CLSTN1: variants seen among roughly 807,000 people sequenced by gnomAD.
CLSTN1 encodes the protein calsyntenin 1.
In CLSTN1, 28 loss-of-function variants were observed where a neutral mutation model predicts 108.3. The observed-to-expected ratio is 0.26, with a 90% confidence interval of 0.19 to 0.35. The LOEUF is 0.35. CLSTN1 is among the 10% of genes least tolerant of loss of function. The pLI is 1.00. For synonymous variants in CLSTN1, 524 were observed against 534.9 expected, an observed-to-expected ratio of 0.98 and a Z score of 0.28; for missense variants, 1,157 against 1,302.6, an observed-to-expected ratio of 0.89 and a Z score of 1.72.
At chr1:9,809,786 A>G (rs1228600346) in intron 1 of CLSTN1, among the ~76,000 whole-genome samples, 1 of 151,566 alleles carries the variant, frequency 6.6e-6, no homozygotes, top group Non-Finnish European at 1.5e-5. Context: ...CTATAATCCC[A>G]GCTACTCGGG....
intron 1 of CLSTN1, among the ~76,000 whole-genome samples, chr1:9,796,472 C>A (rs1214984386): frequency 6.8e-6 from 1 of 148,034 alleles, no homozygotes; most frequent in South Asian, 2.3e-4. Flanking sequence ...GTCAGGAAAT[C>A]GAGACCATCC....
intron 2 of CLSTN1, among the ~76,000 whole-genome samples, chr1:9,757,019 C>A (rs11121488): frequency 0.14 from 21,978 of 151,574 alleles, 2,751 homozygotes; most frequent in African/African-American, 0.32. Flanking sequence ...ACCTCGTGAT[C>A]CGCCCACCTC....
intron 1 of CLSTN1, among the ~76,000 whole-genome samples, chr1:9,785,411 CCAAA>C (rs567741896): frequency 1.7e-4 from 26 of 152,114 alleles, no homozygotes; most frequent in African/African-American, 5.3e-4. Flanking sequence ...CATCAGAATC[CCAAA>C]CAAACTAAAT....
At chr1:9,800,627 G>C (rs536537001) in intron 1 of CLSTN1, among the ~76,000 whole-genome samples, 2 of 151,214 alleles carry the variant, frequency 1.3e-5, no homozygotes, top group Admixed American at 1.3e-4. Flanking sequence ...CTACTCAGGA[G>C]GCTGAGGCAG....
chr1:9,796,401 GCGCGGTGGCTCA>G (rs1654003565), intron 1 of CLSTN1, among the ~76,000 whole-genome samples: 1 of 151,070 alleles, frequency 6.6e-6, no homozygotes, highest in South Asian at 2.2e-4. Flanking sequence ...GGTGGGCCAG[GCGCGGTGGCTCA>G]CGCCTGTAAT....
At chr1:9,735,766 C>T (rs2101079651) in intron 12 of CLSTN1, 119 bp downstream of exon 12, 3 of 1,500,722 alleles carry the variant, frequency 2.0e-6, no homozygotes, top group African/African-American at 2.8e-5. Context: ...GTGAACACAA[C>T]TCTTTTACCC....
chr1:9,773,681 G>A (rs1380322689), intron 1 of CLSTN1, among the ~76,000 whole-genome samples: 1 of 152,160 alleles, frequency 6.6e-6, no homozygotes, highest in African/African-American at 2.4e-5. Flanking sequence ...GCTACGGGAA[G>A]ACTATCTCTG....
At chr1:9,744,138 CT>C in intron 8 of CLSTN1, 133 bp from the exon 9 acceptor site, 1 of 1,309,744 alleles carries the variant, frequency 7.6e-7, no homozygotes, top group Non-Finnish European at 1.0e-6. Context: ...CAAGGCAGGG[CT>C]TAGAAACAAA....
At chr1:9,755,440 C>T (rs1221797347) in intron 3 of CLSTN1, 131 bp from the exon 4 acceptor site, 4 of 692,276 alleles carry the variant, frequency 5.8e-6, no homozygotes, top group African/African-American at 1.8e-5. Context: ...TTGGAGGGTC[C>T]GTGGACAAAG....
chr1:9,812,575 G>A (rs190942712), intron 1 of CLSTN1, among the ~76,000 whole-genome samples: 5 of 152,274 alleles, frequency 3.3e-5, no homozygotes, highest in African/African-American at 1.2e-4. Flanking sequence ...GGCTGGGCAC[G>A]GTGGCTCATG....
chr1:9,760,288 C>A (rs947201884), intron 2 of CLSTN1, among the ~76,000 whole-genome samples: 4 of 152,120 alleles, frequency 2.6e-5, no homozygotes, highest in African/African-American at 9.7e-5. Context: ...AACCAACTCG[C>A]CAGGTTGGTA....
Position 9,749,914 on chromosome 1 carries a change from C to T in CLSTN1, c.650-1G>A. ...AATTTCTCTGTGTTTTTTATATAAC[C>T]TTACAGAGGGCAAAAACAACAGTGA... On this transcript the variant is annotated splice_acceptor_variant, in intron 5 of 18. Coordinates refer to ENST00000377298, the MANE Select transcript of CLSTN1 (RefSeq NM_001009566.3). LOFTEE classifies it high-confidence loss of function. 1 of 1,612,350 alleles carries T rather than the reference C, an allele frequency of 6.2e-7. No homozygotes were observed. The highest frequency in any genetic ancestry group is 8.5e-7 in the Non-Finnish European group (1 of 1,179,444).
intron 1 of CLSTN1, among the ~76,000 whole-genome samples, chr1:9,798,751 G>A (rs1204875958): frequency 1.3e-5 from 2 of 152,162 alleles, no homozygotes; most frequent in East Asian, 3.8e-4. Context: ...CCAGTTTCCA[G>A]TACAGCATGT....
chr1:9,771,090 A>G (rs569869427), intron 2 of CLSTN1, among the ~76,000 whole-genome samples: 1 of 152,370 alleles, frequency 6.6e-6, no homozygotes, highest in Admixed American at 6.5e-5. Flanking sequence ...TGATACTTCA[A>G]AAGGCAAAGG....
intron 11 of CLSTN1, among the ~76,000 whole-genome samples, 159 bp from the exon 12 acceptor site, chr1:9,736,201 C>T (rs1015362473): frequency 2.0e-5 from 3 of 152,150 alleles, no homozygotes; most frequent in African/African-American, 7.2e-5. Flanking sequence ...TACATGGAAG[C>T]GCAATGAAGA....
intron 9 of CLSTN1, among the ~76,000 whole-genome samples, chr1:9,743,543 GAC>G (rs1202642767): frequency 6.6e-6 from 1 of 152,094 alleles, no homozygotes; most frequent in African/African-American, 2.4e-5. Context: ...CTTAGAAGAT[GAC>G]AGTGTTTTTC....
At position 9,729,392 on chromosome 1, in the gene CLSTN1, G is replaced by A. The variant is rs947402713; in HGVS notation, c.*1116C>T. On this transcript the variant is annotated 3_prime_UTR_variant, in exon 19 of 19. Coordinates refer to ENST00000377298, the MANE Select transcript of CLSTN1 (RefSeq NM_001009566.3). ...AAGCAAAGCAGCAGGGCTCCTGGGG[G>A]AGAGGGATTTCAACCCCCCTGATGG... 1 of 152,662 alleles carries A rather than the reference G, an allele frequency of 6.6e-6. No homozygotes were observed. The highest frequency in any genetic ancestry group is 2.4e-5 in the African/African-American group (1 of 41,442). 9.5% of individuals were successfully genotyped at this position (152,662 alleles called of 1,614,324 possible).
intron 8 of CLSTN1, 81 bp downstream of exon 8, chr1:9,744,314 G>C: frequency 6.6e-7 from 1 of 1,521,696 alleles, no homozygotes; most frequent in Non-Finnish European, 8.8e-7. Flanking sequence ...GGGGACCCTG[G>C]GAAAGGAGAG....
chr1:9,772,499 T>C (rs1376852468), intron 2 of CLSTN1, among the ~76,000 whole-genome samples: 1 of 151,910 alleles, frequency 6.6e-6, no homozygotes, highest in Non-Finnish European at 1.5e-5. Flanking sequence ...TCTGGAAAAA[T>C]ATGCGAAAAC....
Sources: allele counts gnomAD v4.1 joint callset (sites outside exome capture counted in the v4.1 genomes callset), GRCh38; gene constraint gnomAD v4.1.1; transcripts MANE v1.5; gene names NCBI Gene and HGNC (gene_info 2026-07-23, HGNC 2026-07-21).